CEP131: variants seen among roughly 807,000 people sequenced by gnomAD.
CEP131 encodes the protein centrosomal protein of 131 kDa.
CEP131 carries 99 observed loss-of-function variants against 136.8 expected under a neutral mutation model. That is an observed-to-expected ratio of 0.72 (90% confidence interval 0.62 to 0.86). The LOEUF (loss-of-function observed/expected upper bound fraction) is 0.86. CEP131 is among the 40% of genes least tolerant of loss of function. CEP131 has a pLI of 0.00. For synonymous variants in CEP131, 646 were observed against 612.7 expected (o/e 1.05, Z -0.80); for missense variants, 1,459 against 1,463.0 (o/e 1.00, Z 0.04).
At chr17:81,217,658 G>A (rs559034414) in intron 2 of CEP131, among the ~76,000 whole-genome samples, 1 of 152,286 alleles carries the variant, frequency 6.6e-6, no homozygotes, top group South Asian at 2.1e-4. Context: ...ATGCAGGGGT[G>A]GGGCCGTCTC....
intron 21 of CEP131, 139 bp from the exon 22 acceptor site, chr17:81,191,474 C>A: frequency 1.3e-6 from 1 of 755,180 alleles, no homozygotes; most frequent in Non-Finnish European, 2.2e-6. Flanking sequence ...AGACCCCTGT[C>A]CAGGGGTGCG....
rs1567850887 is a variant in CEP131, at chr17:81,194,092, GC to G, written c.2154del (p.Arg718SerfsTer101). 6.4e-7 allele frequency: 1 copy of G among 1,565,378 alleles called. No homozygotes were observed. Among genetic ancestry groups the G allele is most frequent in the African/African-American group, 1.4e-5 (1 of 72,110 alleles). ...TTGAGCCTCCGCACTTCCTGCTTGTGCCTTGCAATCAGCTTCTGGATCTCGG... is the reference window on the plus strand; with the variant it reads ...TTGAGCCTCCGCACTTCCTGCTTGTGCTTGCAATCAGCTTCTGGATCTCGG... ...LEPEIQKLIARHKQEVRRLKS... is the reference protein window; with the variant it reads ...LEPEIQKLIAXHKQEVRRLKS... On this transcript the variant is annotated frameshift_variant, in exon 18 of 26. Transcript: ENST00000450824. LOFTEE classifies it high-confidence loss of function.
Position 81,196,744 on chromosome 17 carries a change from T to C in CEP131, c.1856A>G (p.His619Arg), listed in dbSNP as rs769112377. The change falls in exon 15 of 26, where the codon CAC becomes CGC. Residue 619 changes from histidine to arginine, a missense_variant. Physicochemically the swap from His to Arg is conservative, Grantham distance 29. Around this residue, in one of 3 missense-constraint regions of CEP131, gnomAD observed 1,026 missense variants for 964.2 expected, o/e 1.06. Transcript: ENST00000450824. ...GTGCCGCTGGATGGTGGCCTCGTAG[T>C]GCTCCCTCTGCCGCTGCAGCTGCCG... Reference protein sequence around the residue: ...LSRQLQRQREHYEATIQRHLA... With the variant: ...LSRQLQRQRERYEATIQRHLA... 3.8e-5 allele frequency: 61 copies of C among 1,601,842 alleles called. No homozygotes were observed. The highest frequency in any genetic ancestry group is 5.0e-5 in the Non-Finnish European group (59 of 1,176,468).
intron 2 of CEP131, among the ~76,000 whole-genome samples, chr17:81,218,363 C>A (rs763756668): frequency 6.6e-6 from 1 of 152,194 alleles, no homozygotes; most frequent in African/African-American, 2.4e-5. Context: ...ATTTCGAGTG[C>A]GTCTTCCCCG....
intron 8 of CEP131, 149 bp from the exon 9 acceptor site, chr17:81,199,984 G>A (rs957095291): frequency 1.3e-6 from 1 of 777,308 alleles, no homozygotes; most frequent in Admixed American, 2.1e-5. Flanking sequence ...CCAGGACCTT[G>A]AACCTGCCAT....
chr17:81,218,136 G>A lies in CEP131; in HGVS notation c.177+1744C>T, dbSNP rs547893870. The stretch of plus-strand genomic sequence containing the variant: ...CGGCTCACTGCAGCCTCCTCCGCCC[G>A]GGTTCAAGCAACTCTCCTGTCTCAG... On this transcript the variant is annotated intron_variant, in intron 2 of 25. Transcript: ENST00000450824. Among the ~76,000 whole-genome samples the A allele has an allele frequency of 1.0e-3, 156 of 150,202 alleles. 2 individuals are homozygous for A. The South Asian group carries it at 0.031, about 30-fold the overall frequency.
chr17:81,203,760 CT>C lies in CEP131; in HGVS notation c.516-154del, dbSNP rs2061946296. 3.2e-6 allele frequency: 2 copies of C among 617,590 alleles called. No homozygotes were observed. Among genetic ancestry groups the C allele is most frequent in the East Asian group, 5.6e-5 (2 of 35,922 alleles). The allele number at this position is 617,590 out of a possible 1,614,324, so 38.3% of individuals were successfully genotyped here. Reference sequence around the variant, plus strand: ...ATTGTCGTCCAGTGTCCCCAGGCCCCTTCCACAGCCTGCGCCCTGATGATGG... The same window carrying C: ...ATTGTCGTCCAGTGTCCCCAGGCCCCTCCACAGCCTGCGCCCTGATGATGG... On this transcript the variant is annotated intron_variant, in intron 5 of 25. Transcript: ENST00000450824. This position sits in a 1 kb window ranked among gnomAD's most constrained non-coding sequence, Gnocchi z 4.6.
In CEP131 at chr17:81,189,726, T is replaced by C. The variant is rs981832819; in HGVS notation, c.*43A>G. ...CCTCTGGGCCCACGTCCAGCCTCTG[T>C]CCTCTGCCTTCCGTTCTTCGACAGT... On this transcript the variant is annotated 3_prime_UTR_variant, in exon 26 of 26. Transcript: ENST00000450824. The C allele has an allele frequency of 5.8e-6, 9 of 1,551,974 alleles. No homozygotes were observed. The highest frequency in any genetic ancestry group is 1.8e-5 in the Admixed American group (1 of 56,048).
intron 2 of CEP131, among the ~76,000 whole-genome samples, chr17:81,214,934 G>T (rs1263771063): frequency 1.3e-5 from 2 of 151,634 alleles, no homozygotes; most frequent in Non-Finnish European, 2.9e-5. Flanking sequence ...CACCACGCCC[G>T]GCTAATTTTT....
intron 18 of CEP131, among the ~76,000 whole-genome samples, chr17:81,193,595 C>T (rs978050960): frequency 2.0e-5 from 3 of 152,198 alleles, no homozygotes; most frequent in East Asian, 1.9e-4. Flanking sequence ...GCCTCGAGGC[C>T]GCCTATCCAC....
At chr17:81,191,715 A>C (rs2061645628) in intron 21 of CEP131, among the ~76,000 whole-genome samples, 1 of 152,134 alleles carries the variant, frequency 6.6e-6, no homozygotes, top group South Asian at 2.1e-4. Context: ...AGCCTCTGAA[A>C]ACTCCCAGAG....
intron 2 of CEP131, among the ~76,000 whole-genome samples, chr17:81,217,577 A>G (rs2062276351): frequency 6.6e-6 from 1 of 152,124 alleles, no homozygotes; most frequent in Non-Finnish European, 1.5e-5. Context: ...CACGTCACAC[A>G]CTGGCGGGGG....
Position 81,207,187 on chromosome 17 carries a change from T to C in CEP131, c.325A>G (p.Lys109Glu), listed in dbSNP as rs768194566. 3 of 1,613,556 alleles carry C rather than the reference T, an allele frequency of 1.9e-6. No individual in the cohort carries two copies. Among genetic ancestry groups the C allele is most frequent in the Non-Finnish European group, 1.7e-6 (2 of 1,179,908 alleles). Residue 109 changes from lysine (K) to glutamate (E), a missense_variant, in exon 4 of 26, where the codon AAA (lysine) becomes GAA (glutamate). By Grantham distance (56) the Lys-to-Glu change is moderately conservative. This residue lies in a region of CEP131 where 187 missense variants were observed against 179.9 expected (regional missense o/e 1.04). Coordinates refer to ENST00000450824, the MANE Select transcript of CEP131 (RefSeq NM_014984.4). ...LMLFEGSPSGKKRPASLSTAP... is the reference protein window; with the variant it reads ...LMLFEGSPSGEKRPASLSTAP... ...GTGCTCAGGCTGGCAGGCCTCTTTTTCCCACTGGGGCTGCCCTCGAAGAGC... is the reference window on the plus strand; with the variant it reads ...GTGCTCAGGCTGGCAGGCCTCTTTTCCCCACTGGGGCTGCCCTCGAAGAGC...
Position 81,198,185 on chromosome 17 carries a change from A to G in CEP131, c.1400T>C (p.Leu467Pro). Reference sequence around the variant, plus strand: ...GGGCAGCACGTCCGGCTCCTTCTCCAGCAGCTGCAGTGTGTGCAGCAGCTC... The same window carrying G: ...GGGCAGCACGTCCGGCTCCTTCTCCGGCAGCTGCAGTGTGTGCAGCAGCTC... ...LEELLHTLQL[L>P]EKEPDVLPRP... The change falls in exon 12 of 26, where the codon CTG (leucine) becomes CCG (proline). Residue 467 changes from leucine to proline, a missense_variant. Coordinates refer to ENST00000450824, the MANE Select transcript of CEP131 (RefSeq NM_014984.4). 1 of 1,585,396 alleles carries G rather than the reference A, an allele frequency of 6.3e-7. No individual in the cohort carries two copies. Among genetic ancestry groups the G allele is most frequent in the Non-Finnish European group, 8.6e-7 (1 of 1,165,720 alleles).
Position 81,219,799 on chromosome 17 carries a change from G to A in CEP131, c.177+81C>T, listed in dbSNP as rs545946048. On this transcript the variant is annotated intron_variant, in intron 2 of 25. Transcript: ENST00000450824. This position sits in a 1 kb window ranked among gnomAD's most constrained non-coding sequence, Gnocchi z 4.0. ...TGTGAGGCACTTGTTCACCTGTGGA[G>A]CTGGACCCAGGGGTCAGATGCCAAC... 1.7e-5 allele frequency: 24 copies of A among 1,392,386 alleles called. No homozygotes were observed. In the Middle Eastern group the frequency reaches 5.7e-4, roughly 33 times the overall value. 86.3% of individuals were successfully genotyped at this position (1,392,386 alleles called of 1,614,324 possible). A position where few individuals can be genotyped will look rare whatever the true frequency, so the allele number is the denominator to read the frequency against.
intron 5 of CEP131, among the ~76,000 whole-genome samples, chr17:81,205,510 G>GT (rs5822391): frequency 3.4e-5 from 2 of 58,118 alleles, no homozygotes; most frequent in African/African-American, 7.2e-5. Flanking sequence ...AGGAGGGGCA[G>GT]GGGTGGGGAG....
At chr17:81,216,581 G>C (rs890575717) in intron 2 of CEP131, among the ~76,000 whole-genome samples, 3 of 152,148 alleles carry the variant, frequency 2.0e-5, no homozygotes, top group Non-Finnish European at 2.9e-5. Flanking sequence ...TGACGGATAC[G>C]GCACTTGTTC....
At position 81,207,227 on chromosome 17, in the gene CEP131, G is replaced by A. The variant is rs1349520458; in HGVS notation, c.285C>T (p.Pro95=). The change falls in exon 4 of 26, where the codon CCC becomes CCT. Residue 95 remains proline, a synonymous_variant. Transcript: ENST00000450824. ...PRSGSPRPTE[P]TDFLMLFEGS... The stretch of plus-strand genomic sequence containing the variant: ...CCTCGAAGAGCATCAGGAAGTCTGT[G>A]GGCTCCGTTGGCCTGCATCCGAGAG... 1 of 1,613,286 alleles carries A rather than the reference G, an allele frequency of 6.2e-7. No individual in the cohort carries two copies. Among genetic ancestry groups the A allele is most frequent in the Non-Finnish European group, 8.5e-7 (1 of 1,179,922 alleles).
Position 81,211,207 on chromosome 17 carries a change from A to G in CEP131, c.178-2185T>C, listed in dbSNP as rs1342848844. On this transcript the variant is annotated intron_variant, in intron 2 of 25. Transcript: ENST00000450824. Reference sequence around the variant, plus strand: ...CGCTGGGGCCACAGAGGCCCTGTGCAATTCCTCATTCAATCCCTGCTGGGC... The same window carrying G: ...CGCTGGGGCCACAGAGGCCCTGTGCGATTCCTCATTCAATCCCTGCTGGGC... Among the ~76,000 whole-genome samples the G allele has an allele frequency of 2.6e-5, 4 of 152,344 alleles. No individual in the cohort carries two copies. The East Asian group carries it at 5.8e-4, about 22-fold the overall frequency.
Sources: allele counts gnomAD v4.1 joint callset (sites outside exome capture counted in the v4.1 genomes callset), GRCh38; gene constraint gnomAD v4.1.1; regional missense constraint gnomAD v4.1.1; non-coding constraint Gnocchi (gnomAD v3.1); transcripts MANE v1.5; gene names NCBI Gene and HGNC (gene_info 2026-07-23, HGNC 2026-07-21).